The following SUN1 variants were observed in gnomAD, a reference collection of about 807,000 sequenced individuals.
SUN1 encodes Sad1 and UNC84 domain containing 1.
In SUN1, 61 loss-of-function variants were observed where a neutral mutation model predicts 103.2. The ratio of observed to expected loss-of-function variants is 0.59; its 90% CI spans 0.48 to 0.73. SUN1 has a LOEUF of 0.73. SUN1 is among the 30% of genes least tolerant of loss of function. The probability of loss-of-function intolerance (pLI) is 0.00; values close to 1 mark genes in which losing one functional copy is unlikely to be tolerated. For missense variants in SUN1, 1,052 were observed against 1,034.6 expected (o/e 1.02, Z -0.23); for synonymous variants, 490 against 425.7 (o/e 1.15, Z -1.86).
At chr7:826,898 T>G (rs1242195212) in intron 1 of SUN1, among the ~76,000 whole-genome samples, 3 of 152,254 alleles carry the variant, frequency 2.0e-5, no homozygotes, top group Non-Finnish European at 4.4e-5. Context: ...GGTTGCTGTT[T>G]ATAGGCTGAA....
At chr7:817,310 G>C in intron 1 of SUN1, 1 of 988,710 alleles carries the variant, frequency 1.0e-6, no homozygotes, top group Non-Finnish European at 1.5e-6. Flanking sequence ...GCCCAGGTCG[G>C]ACTCCTAGGC....
upstream of SUN1, chr7:816,179 A>C: frequency 4.2e-6 from 1 of 239,062 alleles, no homozygotes; most frequent in Non-Finnish European, 7.5e-6. Context: ...GCCCTCCGCG[A>C]TGCAGACCCC....
At chr7:839,929 T>C (rs1291698554) in intron 2 of SUN1, among the ~76,000 whole-genome samples, 1 of 152,246 alleles carries the variant, frequency 6.6e-6, no homozygotes, top group African/African-American at 2.4e-5. Context: ...TATTTACCTA[T>C]ATTTGCGTTC....
At chr7:832,360 AAC>A (rs901297927), upstream of SUN1, 6 of 727,880 alleles carry the variant, frequency 8.2e-6, no homozygotes, top group Non-Finnish European at 1.2e-5. Flanking sequence ...CTGTTTAGAA[AAC>A]ACTGCTGCTG....
chr7:817,314 C>T, intron 1 of SUN1: 2 of 1,064,576 alleles, frequency 1.9e-6, no homozygotes, highest in Non-Finnish European at 2.8e-6. Context: ...AGGTCGGACT[C>T]CTAGGCTCAA....
At chr7:815,793 G>A (rs1007214055), upstream of SUN1, 9 of 219,080 alleles carry the variant, frequency 4.1e-5, no homozygotes, top group African/African-American at 4.8e-5. Flanking sequence ...TTCCCCAGAA[G>A]GGCGCCTGGG....
chr7:845,714 C>G (rs1249976782), intron 5 of SUN1, among the ~76,000 whole-genome samples: 2 of 152,198 alleles, frequency 1.3e-5, no homozygotes, highest in Admixed American at 6.5e-5. Flanking sequence ...GTAATTCTCA[C>G]TGTAAAGTCT....
At chr7:825,760 G>GA (rs1391289622) in intron 1 of SUN1, among the ~76,000 whole-genome samples, 2 of 152,078 alleles carry the variant, frequency 1.3e-5, no homozygotes, top group Non-Finnish European at 2.9e-5. Context: ...ATGATCTTTG[G>GA]AAAACATCTA....
chr7:854,829 G>A lies in SUN1; in HGVS notation c.1264-91G>A, dbSNP rs776159250. 1.1e-4 allele frequency: 94 copies of A among 840,954 alleles called. 1 individual carries two copies. The Admixed American group carries it at 1.8e-3, about 17-fold the overall frequency. 52.1% of individuals were successfully genotyped at this position (840,954 alleles called of 1,614,324 possible). A position where few individuals can be genotyped will look rare whatever the true frequency, so the allele number is the denominator to read the frequency against. ...TGCGACCACAGATTCTCTGATTGTC[G>A]GTATTCCGTGTAGAAACGCCTTGGC... On this transcript the variant is annotated intron_variant, in intron 10 of 18. Coordinates refer to ENST00000401592, the MANE Select transcript of SUN1 (RefSeq NM_001130965.3).
At chr7:839,917 G>C (rs150592843) in intron 2 of SUN1, among the ~76,000 whole-genome samples, 19 of 152,266 alleles carry the variant, frequency 1.2e-4, no homozygotes, top group African/African-American at 4.6e-4. Flanking sequence ...TAAAGTTTAG[G>C]TTATTTACCT....
chr7:845,444 T>C (rs531368296), intron 5 of SUN1, among the ~76,000 whole-genome samples: 296 of 152,272 alleles, frequency 1.9e-3, no homozygotes, highest in African/African-American at 7.0e-3. Context: ...CACACTAGTG[T>C]ATCGCCCTGT....
chr7:825,087 C>G (rs1167184999), intron 1 of SUN1, among the ~76,000 whole-genome samples: 2 of 150,590 alleles, frequency 1.3e-5, no homozygotes, highest in African/African-American at 4.9e-5. Flanking sequence ...TAGGCGGAGT[C>G]TTGCTCGGTC....
chr7:840,297 C>T (rs576236635), intron 2 of SUN1, among the ~76,000 whole-genome samples: 5 of 152,240 alleles, frequency 3.3e-5, no homozygotes, highest in Non-Finnish European at 7.3e-5. Flanking sequence ...AGCTGAGGAC[C>T]AGCAGATCCC....
upstream of SUN1, among the ~76,000 whole-genome samples, chr7:830,095 G>C (rs1327473884): frequency 6.6e-6 from 1 of 152,156 alleles, no homozygotes; most frequent in Non-Finnish European, 1.5e-5. Context: ...GTCGTGGTCT[G>C]TTAAGGGGGA....
At chr7:855,440 A>C (rs1826218587) in intron 11 of SUN1, among the ~76,000 whole-genome samples, 1 of 152,194 alleles carries the variant, frequency 6.6e-6, no homozygotes, top group South Asian at 2.1e-4. Context: ...TGGGAATGCC[A>C]GGGGAGGGAC....
chr7:842,781 G>T, intron 3 of SUN1: 1 of 259,174 alleles, frequency 3.9e-6, no homozygotes, highest in Non-Finnish European at 7.6e-6. Context: ...TAGTTCCAGA[G>T]ATCACATGTG....
intron 1 of SUN1, chr7:817,398 A>C: frequency 6.5e-7 from 1 of 1,534,876 alleles, no homozygotes. Context: ...CAAAGTGCCC[A>C]GAATGGTGTC....
chr7:859,680 T>G lies in SUN1; in HGVS notation c.1525-448T>G, dbSNP rs112852986. On this transcript the variant is annotated intron_variant, in intron 13 of 18. Transcript: ENST00000401592. ...AAGAGAAAGGTATACACATATGTGT[T>G]TGTGTGCTTAGAAATAACATGGGGT... Among the ~76,000 whole-genome samples the G allele has an allele frequency of 1.6e-3, 244 of 152,356 alleles. 2 individuals are homozygous for G. The highest frequency in any genetic ancestry group is 6.3e-4 in the Non-Finnish European group (43 of 68,024).
intron 1 of SUN1, among the ~76,000 whole-genome samples, chr7:825,544 T>G (rs144847510): frequency 6.6e-6 from 1 of 152,260 alleles, no homozygotes; most frequent in African/African-American, 2.4e-5. Context: ...ATAAAATATG[T>G]GGCATACAGC....
Sources: allele counts gnomAD v4.1 joint callset (sites outside exome capture counted in the v4.1 genomes callset), GRCh38; gene constraint gnomAD v4.1.1; transcripts MANE v1.5; gene names NCBI Gene and HGNC (gene_info 2026-07-23, HGNC 2026-07-21).